CDH12: variants seen among roughly 807,000 people sequenced by gnomAD.
The protein encoded by CDH12 is cadherin 12, also known as cadherin-12.
CDH12 carries 41 observed loss-of-function variants against 74.1 expected under a neutral mutation model. The observed-to-expected ratio is 0.55, with a 90% CI of 0.43 to 0.72. CDH12 has a LOEUF of 0.72. Among genes scored for constraint, CDH12 ranks in the 30% least tolerant of loss-of-function variants. CDH12 has a pLI of 0.00. For missense variants in CDH12, 945 were observed against 977.2 expected, an observed-to-expected ratio of 0.97 and a Z score of 0.44; for synonymous variants, 399 against 355.0, an observed-to-expected ratio of 1.12 and a Z score of -1.39.
At chr5:22,619,942 G>GA (rs898312837) in intron 1 of CDH12, among the ~76,000 whole-genome samples, 1 of 151,886 alleles carries the variant, frequency 6.6e-6, no homozygotes, top group Non-Finnish European at 1.5e-5. Flanking sequence ...CATTCAAAAT[G>GA]AAAAAAATCC....
At chr5:22,049,060 C>A (rs1005859430) in intron 5 of CDH12, among the ~76,000 whole-genome samples, 4 of 151,950 alleles carry the variant, frequency 2.6e-5, no homozygotes, top group Admixed American at 2.6e-4. Flanking sequence ...ATCTCTAGAG[C>A]GACTAGCATA....
intron 11 of CDH12, among the ~76,000 whole-genome samples, chr5:21,776,636 A>G (rs1579680237): frequency 6.6e-6 from 1 of 152,106 alleles, no homozygotes; most frequent in African/African-American, 2.4e-5. Flanking sequence ...GCCATCCTCC[A>G]CCCCATTTAT....
At chr5:22,038,797 G>C in intron 5 of CDH12, among the ~76,000 whole-genome samples, 1 of 152,120 alleles carries the variant, frequency 6.6e-6, no homozygotes, top group East Asian at 1.9e-4. Context: ...CCTCGACTGA[G>C]CTGAGGAGTT....
intron 1 of CDH12, among the ~76,000 whole-genome samples, chr5:22,526,212 A>T (rs1737270435): frequency 6.6e-6 from 1 of 152,196 alleles, no homozygotes; most frequent in Non-Finnish European, 1.5e-5. Context: ...TTTACAAAAG[A>T]AAAAGCAAAC....
Position 22,083,219 on chromosome 5 carries a change from T to G in CDH12, c.-186-4357A>C, listed in dbSNP as rs189940255. On this transcript the variant is annotated intron_variant, in intron 4 of 14. Transcript: ENST00000382254. ...CTTGCACGTATTAAAATCCAGAACT[T>G]TAATATGACATTTACGAATTTAACA... is the stretch of plus-strand genomic sequence containing the variant. 5.3e-5 allele frequency among the ~76,000 whole-genome samples: 8 copies of G among 152,290 alleles called. No individual in the cohort carries two copies. The East Asian group carries it at 1.5e-3, about 29-fold the overall frequency.
At chr5:21,833,520 GAT>G (rs1484412837) in intron 8 of CDH12, among the ~76,000 whole-genome samples, 1 of 117,196 alleles carries the variant, frequency 8.5e-6, no homozygotes, top group East Asian at 2.4e-4. Flanking sequence ...TGGCATATGT[GAT>G]ATGTCATATA....
intron 2 of CDH12, among the ~76,000 whole-genome samples, chr5:22,419,357 A>G (rs1264308639): frequency 6.6e-6 from 1 of 151,756 alleles, no homozygotes; most frequent in East Asian, 1.9e-4. Context: ...CCCTGTGTCC[A>G]TGTGTTCTCA....
chr5:22,309,623 T>C (rs1738291049), intron 3 of CDH12, among the ~76,000 whole-genome samples: 1 of 152,168 alleles, frequency 6.6e-6, no homozygotes, highest in Non-Finnish European at 1.5e-5. Flanking sequence ...AAATGTATTC[T>C]CTTAGCTAAT....
intron 2 of CDH12, among the ~76,000 whole-genome samples, chr5:22,433,395 A>G (rs1348566052): frequency 6.6e-6 from 1 of 152,166 alleles, no homozygotes; most frequent in Non-Finnish European, 1.5e-5. Flanking sequence ...AAAAATCACA[A>G]TATTTTATGT....
At chr5:22,495,220 T>C (rs1747053852) in intron 2 of CDH12, among the ~76,000 whole-genome samples, 2 of 152,182 alleles carry the variant, frequency 1.3e-5, no homozygotes, top group Admixed American at 1.3e-4. Context: ...GGAATAAATA[T>C]CATGCTTAAA....
chr5:21,796,927 C>T (rs1456817560), intron 10 of CDH12, among the ~76,000 whole-genome samples: 1 of 152,118 alleles, frequency 6.6e-6, no homozygotes, highest in African/African-American at 2.4e-5. Context: ...GTTTGACTCA[C>T]TAGAAATTGT....
intron 1 of CDH12, among the ~76,000 whole-genome samples, chr5:22,695,236 A>G (rs1257749937): frequency 6.6e-6 from 1 of 152,112 alleles, no homozygotes. Context: ...TTAATGATAG[A>G]TTATATCATT....
At chr5:22,775,634 G>A (rs1747051661) in intron 1 of CDH12, among the ~76,000 whole-genome samples, 1 of 152,002 alleles carries the variant, frequency 6.6e-6, no homozygotes. Context: ...TAACAACATT[G>A]TGTAGACTGA....
intron 3 of CDH12, among the ~76,000 whole-genome samples, chr5:22,339,546 T>C (rs1427671888): frequency 2.0e-5 from 3 of 152,202 alleles, no homozygotes; most frequent in Non-Finnish European, 2.9e-5. Flanking sequence ...ATGAAGCTAA[T>C]GATTCATGAG....
intron 2 of CDH12, among the ~76,000 whole-genome samples, chr5:22,479,574 G>T (rs1032959104): frequency 6.6e-6 from 1 of 152,166 alleles, no homozygotes; most frequent in African/African-American, 2.4e-5. Flanking sequence ...GACTTGAATA[G>T]ATATGCTGGA....
chr5:22,746,220 C>T (rs1226367166), intron 1 of CDH12, among the ~76,000 whole-genome samples: 1 of 152,152 alleles, frequency 6.6e-6, no homozygotes, highest in Non-Finnish European at 1.5e-5. Context: ...AATTGAAACA[C>T]AGGCTGGCAC....
At chr5:22,007,451 C>CT (rs1227561469) in intron 5 of CDH12, among the ~76,000 whole-genome samples, 2 of 137,532 alleles carry the variant, frequency 1.5e-5, no homozygotes, top group African/African-American at 3.0e-5. Context: ...AGATATACAA[C>CT]TTTTTTTTAG....
chr5:22,357,185 AG>A (rs1740599791), intron 3 of CDH12, among the ~76,000 whole-genome samples: 1 of 152,154 alleles, frequency 6.6e-6, no homozygotes, highest in Non-Finnish European at 1.5e-5. Context: ...TGGTGGAAAC[AG>A]AAAAGATCAG....
chr5:22,718,313 A>C (rs416802), intron 1 of CDH12, among the ~76,000 whole-genome samples: 110,460 of 152,044 alleles, frequency 0.73, 41,027 homozygotes, highest in East Asian at 0.83. Context: ...ACACCTCTTA[A>C]AGTGGGAACT....
Sources: gnomAD v4.1 joint callset for allele counts (sites outside exome capture counted in the v4.1 genomes callset) on GRCh38, gnomAD v4.1.1 for gene constraint, MANE v1.5 for transcripts, NCBI Gene and HGNC (gene_info 2026-07-23, HGNC 2026-07-21) for gene names.